NRXN3: variants seen among roughly 807,000 people sequenced by gnomAD.
The protein encoded by NRXN3 is neurexin 3.
A neutral mutation model predicts 137.6 loss-of-function variants in NRXN3; 32 were observed. That is an observed-to-expected ratio of 0.23 (90% confidence interval 0.18 to 0.31). The LOEUF is 0.31. Among genes scored for constraint, NRXN3 ranks in the 10% least tolerant of loss-of-function variants. The pLI, the probability that NRXN3 is intolerant of heterozygous loss-of-function variation, is 1.00. For synonymous variants in NRXN3, 798 were observed against 784.5 expected, an observed-to-expected ratio of 1.02 and a Z score of -0.29; for missense variants, 1,574 against 2,062.5, an observed-to-expected ratio of 0.76 and a Z score of 4.59.
chr14:79,790,498 G>A (rs187275358), intron 19 of NRXN3, among the ~76,000 whole-genome samples: 4 of 151,486 alleles, frequency 2.6e-5, no homozygotes, highest in African/African-American at 9.7e-5. Flanking sequence ...TTGTTGAGAT[G>A]GGATTTCATT....
chr14:78,701,464 C>A (rs974221396), intron 6 of NRXN3, among the ~76,000 whole-genome samples: 2 of 152,164 alleles, frequency 1.3e-5, no homozygotes, highest in Admixed American at 6.5e-5. Flanking sequence ...TTCTGGCTGG[C>A]CTGCCTGCAT....
intron 6 of NRXN3, among the ~76,000 whole-genome samples, chr14:78,682,182 T>G (rs903333837): frequency 6.6e-6 from 1 of 152,052 alleles, no homozygotes; most frequent in Non-Finnish European, 1.5e-5. Flanking sequence ...TACTTTTTTG[T>G]TGGTTCATTC....
At chr14:78,241,546 A>G (rs773680174) in intron 1 of NRXN3, among the ~76,000 whole-genome samples, 2 of 151,912 alleles carry the variant, frequency 1.3e-5, no homozygotes, top group Non-Finnish European at 2.9e-5. Context: ...CTTGAACCCA[A>G]GAGGTGGAGG....
chr14:78,857,909 G>A (rs2152513197), intron 10 of NRXN3, among the ~76,000 whole-genome samples: 1 of 152,224 alleles, frequency 6.6e-6, no homozygotes, highest in African/African-American at 2.4e-5. Context: ...TGAATGCACA[G>A]AAAAATAATT....
rs199891538 is a variant in NRXN3, at chr14:78,441,575, A to ATAT, written c.757+143720_757+143722dup. On this transcript the variant is annotated intron_variant, in intron 4 of 20. Transcript: ENST00000335750. ...CCCACAGTACAGTATCACACCATTC[A>ATAT]TATTATTTTTTTTTTTTGGTTTTGA... Among the ~76,000 whole-genome samples, 50 of 144,158 alleles carry ATAT rather than the reference A, an allele frequency of 3.5e-4. No individual in the cohort carries two copies. In the Middle Eastern group the frequency reaches 0.014, roughly 41 times the overall value. The allele number at this position is 144,158 out of a possible 152,430, so 94.6% of individuals were successfully genotyped here. A position where few individuals can be genotyped will look rare whatever the true frequency, so the allele number is the denominator to read the frequency against.
At chr14:78,804,065 T>C (rs1176384096) in intron 9 of NRXN3, among the ~76,000 whole-genome samples, 5 of 152,256 alleles carry the variant, frequency 3.3e-5, no homozygotes, top group Non-Finnish European at 7.3e-5. Context: ...ATTTGTTTTC[T>C]AAGTTTCCTT....
chr14:78,586,999 C>T (rs958978379), intron 4 of NRXN3, among the ~76,000 whole-genome samples: 2 of 152,144 alleles, frequency 1.3e-5, no homozygotes, highest in African/African-American at 4.8e-5. Flanking sequence ...GACATTTTCT[C>T]CCAGAAACAG....
At chr14:78,831,168 T>C (rs2098980545) in intron 10 of NRXN3, among the ~76,000 whole-genome samples, 2 of 152,270 alleles carry the variant, frequency 1.3e-5, no homozygotes, top group African/African-American at 4.8e-5. Flanking sequence ...AACTTACTCT[T>C]GTAGCCTAAG....
Position 79,050,109 on chromosome 14 carries a change from C to G in NRXN3, c.3262+61968C>G, listed in dbSNP as rs149117113. On this transcript the variant is annotated intron_variant, in intron 15 of 20. Coordinates refer to ENST00000335750, the MANE Select transcript of NRXN3 (RefSeq NM_001330195.2). ...TGCTATGATTAGATTATTCCAGAAG[C>G]CTCTTCTGGAGGAATCTCTTACATT... Among the ~76,000 whole-genome samples the G allele has an allele frequency of 9.2e-3, 1,397 of 152,246 alleles. 23 individuals are homozygous for G. The highest frequency in any genetic ancestry group is 0.031 in the African/African-American group (1,273 of 41,526).
chr14:79,056,040 CA>C (rs2152618688), intron 15 of NRXN3, among the ~76,000 whole-genome samples: 1 of 152,228 alleles, frequency 6.6e-6, no homozygotes, highest in Non-Finnish European at 1.5e-5. Context: ...ATGGAAAATA[CA>C]TGTCGATATT....
chr14:78,886,781 T>G (rs779012784), intron 10 of NRXN3, among the ~76,000 whole-genome samples: 5 of 152,132 alleles, frequency 3.3e-5, no homozygotes, highest in African/African-American at 9.6e-5. Context: ...TGCCTTTGGG[T>G]TTAATCTGTG....
At chr14:78,345,439 C>T (rs1231857276) in intron 4 of NRXN3, among the ~76,000 whole-genome samples, 1 of 152,194 alleles carries the variant, frequency 6.6e-6, no homozygotes, top group African/African-American at 2.4e-5. Context: ...GGATTGGATA[C>T]ACTTTGCACT....
chr14:79,373,929 G>A (rs1420620874), intron 15 of NRXN3, among the ~76,000 whole-genome samples: 1 of 151,940 alleles, frequency 6.6e-6, no homozygotes, highest in South Asian at 2.1e-4. Context: ...TAGAGTCTAT[G>A]GAAGAAAAAC....
chr14:79,520,655 T>C (rs1035230447), intron 16 of NRXN3, among the ~76,000 whole-genome samples: 2 of 152,194 alleles, frequency 1.3e-5, no homozygotes, highest in Non-Finnish European at 2.9e-5. Flanking sequence ...TTCCATGTTG[T>C]ATATGTGCCA....
At chr14:78,514,905 A>G (rs765489057) in intron 4 of NRXN3, among the ~76,000 whole-genome samples, 1 of 152,140 alleles carries the variant, frequency 6.6e-6, no homozygotes, top group Non-Finnish European at 1.5e-5. Flanking sequence ...TTCCTGGCAG[A>G]GGGAACAGCT....
intron 15 of NRXN3, among the ~76,000 whole-genome samples, chr14:79,094,850 A>C (rs912337542): frequency 1.3e-5 from 2 of 152,190 alleles, no homozygotes; most frequent in Non-Finnish European, 2.9e-5. Context: ...TAGAGTTGAA[A>C]GCAATAGAGA....
intron 4 of NRXN3, among the ~76,000 whole-genome samples, chr14:78,317,872 A>G (rs1352805677): frequency 6.6e-6 from 1 of 152,210 alleles, no homozygotes; most frequent in Non-Finnish European, 1.5e-5. Flanking sequence ...CTAACGTGAT[A>G]CACCTATCCT....
chr14:78,598,605 T>C lies in NRXN3; in HGVS notation c.758-46515T>C, dbSNP rs116142619. Among the ~76,000 whole-genome samples the C allele has an allele frequency of 8.2e-3, 1,256 of 152,372 alleles. 19 individuals carry two copies. The highest frequency in any genetic ancestry group is 0.029 in the African/African-American group (1,204 of 41,592). On this transcript the variant is annotated intron_variant, in intron 4 of 20. Transcript: ENST00000335750. ...ACTTCTGCCTCAGTTAGATGTTTTC[T>C]CTAGCAAACAGATATCATTATGTGG...
At chr14:78,381,842 A>G (rs538856682) in intron 4 of NRXN3, among the ~76,000 whole-genome samples, 2 of 152,360 alleles carry the variant, frequency 1.3e-5, no homozygotes, top group Non-Finnish European at 2.9e-5. Context: ...CAAAGGGTAC[A>G]TATTATATGA....
Sources: allele counts gnomAD v4.1 joint callset (sites outside exome capture counted in the v4.1 genomes callset), GRCh38; gene constraint gnomAD v4.1.1; transcripts MANE v1.5; gene names NCBI Gene and HGNC (gene_info 2026-07-23, HGNC 2026-07-21).